The following POLR2M variants were observed in gnomAD, a reference collection of about 807,000 sequenced individuals.
The protein encoded by POLR2M is RNA polymerase II subunit M.
Under a neutral mutation model 34.6 loss-of-function variants are expected in POLR2M, and 30 were observed. That is an observed-to-expected ratio of 0.87 (90% CI 0.65 to 1.18). The LOEUF is 1.18. POLR2M is among the 50% of genes most tolerant of loss of function. The probability of loss-of-function intolerance (pLI) is 0.00; values close to 1 mark genes in which losing one functional copy is unlikely to be tolerated. For synonymous variants in POLR2M, 150 were observed against 166.7 expected (o/e 0.90, Z 0.77); for missense variants, 432 against 448.7 (o/e 0.96, Z 0.34).
At chr15:57,707,610 T>A (rs1345439904) in intron 1 of POLR2M, 1 of 443,126 alleles carries the variant, frequency 2.3e-6, no homozygotes, top group African/African-American at 2.0e-5. Context: ...CTTTTAAGCA[T>A]GGACTAATTT....
In POLR2M at chr15:57,716,887, T is replaced by A; in HGVS notation, c.*2208T>A. 1 of 152,206 alleles carries A rather than the reference T, an allele frequency of 6.6e-6. No individual in the cohort carries two copies. The allele number at this position is 152,206 out of a possible 1,614,324, so 9.4% of individuals were successfully genotyped here. A position where few individuals can be genotyped will look rare whatever the true frequency, so the allele number is the denominator to read the frequency against. Reference sequence around the variant, plus strand: ...AGTATTTTTGTAATCCAAGAATGGATAAATGTCCTTATTTTCTTCTAGTAT... The same window carrying A: ...AGTATTTTTGTAATCCAAGAATGGAAAAATGTCCTTATTTTCTTCTAGTAT... On this transcript the variant is annotated 3_prime_UTR_variant, in exon 4 of 4. Transcript: ENST00000299638.
In POLR2M at chr15:57,709,708, T is replaced by A. The variant is rs187563269; in HGVS notation, c.758+350T>A. Among the ~76,000 whole-genome samples, 299 of 152,332 alleles carry A rather than the reference T, an allele frequency of 2.0e-3. 1 individual carries two copies. Among genetic ancestry groups the A allele is most frequent in the Middle Eastern group, 6.8e-3 (2 of 294 alleles). ...AAACCAAATAATCGACAAGGTCTTT[T>A]AAAGCACATGGGGGAGTGTTAAATT... On this transcript the variant is annotated intron_variant, in intron 2 of 3. Transcript: ENST00000299638.
intron 3 of POLR2M, among the ~76,000 whole-genome samples, chr15:57,713,820 C>CTTTTTTTTTTTTTTTTTTTTTTTT (rs869161314): frequency 1.5e-5 from 1 of 65,568 alleles, no homozygotes; most frequent in Non-Finnish European, 2.7e-5. Context: ...ATTAGTCCTT[C>CTTTTTTTTTTTTTTTTTTTTTTTT]TTTTTTTTTT....
In POLR2M at chr15:57,714,873, T is replaced by G. The variant is rs2040881123; in HGVS notation, c.*194T>G. 2 of 889,662 alleles carry G rather than the reference T, an allele frequency of 2.2e-6. No homozygotes were observed. 55.1% of individuals were successfully genotyped at this position (889,662 alleles called of 1,614,324 possible). ...GCTTGAAAAGTTTAATATTTGAATA[T>G]TGTGTTTAACCACATGGTATTAAAA... On this transcript the variant is annotated 3_prime_UTR_variant, in exon 4 of 4. Transcript: ENST00000299638.
At position 57,708,787 on chromosome 15, in the gene POLR2M, G is replaced by A; in HGVS notation, c.187G>A (p.Ala63Thr). The change falls in exon 2 of 4, where the codon GCA becomes ACA. Residue 63 changes from alanine to threonine, a missense_variant. Transcript: ENST00000299638. ...DSFAKLKAAIAECEEVRRKSE... is the reference protein window; with the variant it reads ...DSFAKLKAAITECEEVRRKSE... ...TTTTGCCAAACTGAAAGCTGCCATT[G>A]CAGAATGTGAAGAAGTTAGAAGAAA... 1 of 1,612,632 alleles carries A rather than the reference G, an allele frequency of 6.2e-7. No homozygotes were observed. Among genetic ancestry groups the A allele is most frequent in the Non-Finnish European group, 8.5e-7 (1 of 1,179,512 alleles).
At chr15:57,707,018 C>T (rs1254329966) in intron 1 of POLR2M, 63 bp downstream of exon 1, 12 of 1,551,778 alleles carry the variant, frequency 7.7e-6, no homozygotes, top group African/African-American at 1.4e-5. Flanking sequence ...TGGGCGCTCC[C>T]CTCCCCTCCC....
At chr15:57,712,541 C>T (rs570377551) in intron 3 of POLR2M, among the ~76,000 whole-genome samples, 4 of 152,246 alleles carry the variant, frequency 2.6e-5, no homozygotes, top group East Asian at 1.9e-4. Flanking sequence ...TTCTCAGTGG[C>T]GGACTCAAAC....
In POLR2M at chr15:57,717,536, A is replaced by G. The variant is rs2040995930; in HGVS notation, c.*2857A>G. On this transcript the variant is annotated 3_prime_UTR_variant, in exon 4 of 4. Transcript: ENST00000299638. ...TACATTTTGCTCACTTTTGACTTATATAAAAATAGAATAATACTATATGTC... is the reference window on the plus strand; with the variant it reads ...TACATTTTGCTCACTTTTGACTTATGTAAAAATAGAATAATACTATATGTC... The G allele has an allele frequency of 6.6e-6, 1 of 152,260 alleles. No individual in the cohort carries two copies. Among genetic ancestry groups the G allele is most frequent in the Non-Finnish European group, 1.5e-5 (1 of 68,046 alleles). 9.4% of individuals were successfully genotyped at this position (152,260 alleles called of 1,614,324 possible).
chr15:57,712,339 A>C, intron 3 of POLR2M, 151 bp downstream of exon 3: 1 of 932,624 alleles, frequency 1.1e-6, no homozygotes. Flanking sequence ...AGAGAGTCAC[A>C]AAGTTGCTAG....
chr15:57,712,511 T>C (rs2040769966), intron 3 of POLR2M, among the ~76,000 whole-genome samples: 1 of 152,184 alleles, frequency 6.6e-6, no homozygotes, highest in Non-Finnish European at 1.5e-5. Context: ...CCTTTCACCT[T>C]GTAAAACTCA....
chr15:57,714,511 T>C, intron 3 of POLR2M, 25 bp from the exon 4 acceptor site: 3 of 1,611,378 alleles, frequency 1.9e-6, no homozygotes, highest in Non-Finnish European at 2.5e-6. Context: ...ACGTGTAACT[T>C]TGTGCTTTGC....
chr15:57,708,109 GTTATACTT>G (rs1166443850), intron 1 of POLR2M, among the ~76,000 whole-genome samples: 2 of 152,140 alleles, frequency 1.3e-5, no homozygotes, highest in Non-Finnish European at 2.9e-5. Context: ...TCAGGACTCC[GTTATACTT>G]TAAGAATTAT....
chr15:57,714,109 A>G (rs2040850841), intron 3 of POLR2M, among the ~76,000 whole-genome samples: 1 of 151,924 alleles, frequency 6.6e-6, no homozygotes, highest in Non-Finnish European at 1.5e-5. Flanking sequence ...AGCTTCCCAA[A>G]GTGCTGGGAT....
chr15:57,716,808 T>G lies in POLR2M; in HGVS notation c.*2129T>G, dbSNP rs1218512660. ...TTGTCATTTAACATAGTTTGTGGTA[T>G]TTCAGTATAGAAGTTGTTTTCTTTA... On this transcript the variant is annotated 3_prime_UTR_variant, in exon 4 of 4. Transcript: ENST00000299638. The G allele has an allele frequency of 2.0e-5, 3 of 152,240 alleles. No individual in the cohort carries two copies. The highest frequency in any genetic ancestry group is 4.4e-5 in the Non-Finnish European group (3 of 68,034). 9.4% of individuals were successfully genotyped at this position (152,240 alleles called of 1,614,324 possible).
chr15:57,708,143 C>G (rs1356004242), intron 1 of POLR2M, among the ~76,000 whole-genome samples: 1 of 152,150 alleles, frequency 6.6e-6, no homozygotes, highest in Non-Finnish European at 1.5e-5. Flanking sequence ...TCCCAAAGAG[C>G]TATTTTATGT....
At position 57,715,367 on chromosome 15, in the gene POLR2M, C is replaced by G. The variant is rs1158093480; in HGVS notation, c.*688C>G. 5 of 152,176 alleles carry G rather than the reference C, an allele frequency of 3.3e-5. No homozygotes were observed. Among genetic ancestry groups the G allele is most frequent in the African/African-American group, 1.2e-4 (5 of 41,350 alleles). The allele number at this position is 152,176 out of a possible 1,614,324, so 9.4% of individuals were successfully genotyped here. ...TTTTTTTTTGAGATGGGGTCTTGCT[C>G]TGTCGCCCAGGCTGGAGTGCAGTGG... On this transcript the variant is annotated 3_prime_UTR_variant, in exon 4 of 4. Coordinates refer to ENST00000299638, the MANE Select transcript of POLR2M (RefSeq NM_015532.5).
rs376028082 is a variant in POLR2M, at chr15:57,706,965, G to T, written c.113+10G>T. 5 of 1,581,152 alleles carry T rather than the reference G, an allele frequency of 3.2e-6. No individual in the cohort carries two copies. Among genetic ancestry groups the T allele is most frequent in the Non-Finnish European group, 4.3e-6 (5 of 1,163,364 alleles). ...GACTTTTGCGCAACGAGTAAGCTGG[G>T]GTCCCGCGGAGTCTCCGCCAGGCTC... On this transcript the variant is annotated intron_variant, in intron 1 of 3. Coordinates refer to ENST00000299638, the MANE Select transcript of POLR2M (RefSeq NM_015532.5).
chr15:57,713,482 C>T (rs888399699), intron 3 of POLR2M, among the ~76,000 whole-genome samples: 7 of 151,902 alleles, frequency 4.6e-5, no homozygotes, highest in African/African-American at 9.7e-5. Flanking sequence ...CTTTTACTGA[C>T]CCATATTCAT....
chr15:57,712,336 C>A, intron 3 of POLR2M, 148 bp downstream of exon 3: 1 of 942,178 alleles, frequency 1.1e-6, no homozygotes, highest in Non-Finnish European at 1.6e-6. Context: ...TTCAGAGAGT[C>A]ACAAAGTTGC....
Sources: gnomAD v4.1 joint callset for allele counts (sites outside exome capture counted in the v4.1 genomes callset) on GRCh38, gnomAD v4.1.1 for gene constraint, MANE v1.5 for transcripts, NCBI Gene and HGNC (gene_info 2026-07-23, HGNC 2026-07-21) for gene names.